The following CORIN variants were observed in gnomAD, a reference collection of about 807,000 sequenced individuals.
The protein encoded by CORIN is corin, serine peptidase.
CORIN carries 117 observed loss-of-function variants against 125.3 expected under a neutral mutation model. The ratio of observed to expected loss-of-function variants is 0.93; its 90% CI spans 0.80 to 1.09. The LOEUF (loss-of-function observed/expected upper bound fraction) is 1.09. CORIN is among the 50% of genes least tolerant of loss of function. The pLI, the probability that CORIN is intolerant of heterozygous loss-of-function variation, is 0.00. For missense variants in CORIN, 1,253 were observed against 1,306.7 expected, an observed-to-expected ratio of 0.96 and a Z score of 0.63; for synonymous variants, 450 against 466.4, an observed-to-expected ratio of 0.96 and a Z score of 0.45.
chr4:47,627,100 A>G (rs112635326), intron 16 of CORIN, among the ~76,000 whole-genome samples: 22,986 of 151,516 alleles, frequency 0.15, 2,334 homozygotes, highest in South Asian at 0.26. Context: ...CTCCTGCCTC[A>G]GCCTCCCAAG....
intron 16 of CORIN, among the ~76,000 whole-genome samples, chr4:47,631,273 G>A (rs1268447079): frequency 6.6e-6 from 1 of 152,112 alleles, no homozygotes; most frequent in Admixed American, 6.5e-5. Flanking sequence ...TTAGGAACCA[G>A]GCCACACAGC....
At chr4:47,800,227 G>A (rs979215037) in intron 2 of CORIN, among the ~76,000 whole-genome samples, 10 of 151,886 alleles carry the variant, frequency 6.6e-5, no homozygotes, top group African/African-American at 2.4e-4. Context: ...ACTTTAAATG[G>A]TTGGATTGAA....
At chr4:47,634,534 T>C (rs1722953761) in intron 16 of CORIN, among the ~76,000 whole-genome samples, 1 of 152,156 alleles carries the variant, frequency 6.6e-6, no homozygotes, top group African/African-American at 2.4e-5. Context: ...CTCAGGAGTC[T>C]GAGGCAGGAG....
At chr4:47,644,619 C>T (rs933942995) in intron 14 of CORIN, among the ~76,000 whole-genome samples, 11 of 152,150 alleles carry the variant, frequency 7.2e-5, no homozygotes, top group African/African-American at 2.2e-4. Flanking sequence ...AAGACTATAA[C>T]TGTAAACTTT....
intron 5 of CORIN, among the ~76,000 whole-genome samples, chr4:47,723,339 C>A (rs953507782): frequency 1.3e-5 from 2 of 152,142 alleles, no homozygotes; most frequent in Non-Finnish European, 2.9e-5. Flanking sequence ...TGTATAAAGT[C>A]CTGCCTGGGT....
chr4:47,620,034 A>G (rs1722243423), intron 19 of CORIN, among the ~76,000 whole-genome samples: 1 of 152,138 alleles, frequency 6.6e-6, no homozygotes, highest in African/African-American at 2.4e-5. Flanking sequence ...TTAATGCTTT[A>G]TTTCCCCCAA....
At chr4:47,643,687 C>CTGAA in intron 14 of CORIN, among the ~76,000 whole-genome samples, 1 of 152,248 alleles carries the variant, frequency 6.6e-6, no homozygotes, top group Middle Eastern at 3.4e-3. Flanking sequence ...AAATGACTCT[C>CTGAA]TGAGTCATAC....
chr4:47,599,999 G>C (rs935369039), intron 21 of CORIN, among the ~76,000 whole-genome samples: 1 of 152,212 alleles, frequency 6.6e-6, no homozygotes, highest in African/African-American at 2.4e-5. Flanking sequence ...TAGTAGATGA[G>C]ACAGTAGAAG....
intron 1 of CORIN, among the ~76,000 whole-genome samples, chr4:47,832,967 G>T (rs1733129663): frequency 6.6e-6 from 1 of 152,044 alleles, no homozygotes; most frequent in African/African-American, 2.4e-5. Flanking sequence ...ACCACAATTG[G>T]CTAAGAGCTA....
At chr4:47,623,096 C>CTCTCTATA (rs771867590) in intron 19 of CORIN, among the ~76,000 whole-genome samples, 2,267 of 101,940 alleles carry the variant, frequency 0.022, 27 homozygotes, top group Non-Finnish European at 0.028. Flanking sequence ...CTCTCTCTCT[C>CTCTCTATA]TATATATATA....
chr4:47,806,122 G>A (rs909603236), intron 2 of CORIN, among the ~76,000 whole-genome samples: 2 of 151,994 alleles, frequency 1.3e-5, no homozygotes, highest in African/African-American at 4.8e-5. Context: ...AATGTGGTAT[G>A]TAATATTTAG....
intron 5 of CORIN, among the ~76,000 whole-genome samples, chr4:47,711,250 T>C (rs116738606): frequency 0.027 from 4,098 of 152,306 alleles, 74 homozygotes; most frequent in Non-Finnish European, 0.036. Context: ...ATGACTATAA[T>C]GTGGCAGGGA....
In CORIN at chr4:47,727,720, G is replaced by C. The variant is rs1727664461; in HGVS notation, c.799+16682C>G. Reference sequence around the variant, plus strand: ...AAATTTGCTGAATGTTACAAGAGGAGCTTATAATTTTTTAATGTTTGGTGA... The same window carrying C: ...AAATTTGCTGAATGTTACAAGAGGACCTTATAATTTTTTAATGTTTGGTGA... On this transcript the variant is annotated intron_variant, in intron 5 of 21. Transcript: ENST00000273857. Among the ~76,000 whole-genome samples, 3 of 152,210 alleles carry C rather than the reference G, an allele frequency of 2.0e-5. No homozygotes were observed. In the South Asian group the frequency reaches 6.2e-4, roughly 32 times the overall value.
chr4:47,771,642 G>C (rs1730035438), intron 3 of CORIN, among the ~76,000 whole-genome samples: 1 of 151,988 alleles, frequency 6.6e-6, no homozygotes, highest in Non-Finnish European at 1.5e-5. Flanking sequence ...CCCTCTATGT[G>C]TCCATGTGTT....
intron 17 of CORIN, among the ~76,000 whole-genome samples, 187 bp from the exon 18 acceptor site, chr4:47,624,135 T>C (rs1722455584): frequency 6.6e-6 from 1 of 152,212 alleles, no homozygotes; most frequent in African/African-American, 2.4e-5. Context: ...GGCAGGAGTG[T>C]GGTCAGATAT....
chr4:47,686,321 T>C (rs1725515449), intron 6 of CORIN, among the ~76,000 whole-genome samples: 1 of 152,100 alleles, frequency 6.6e-6, no homozygotes, highest in Non-Finnish European at 1.5e-5. Context: ...TCCATACTTA[T>C]AAGCATACAG....
At chr4:47,800,763 G>A (rs550647280) in intron 2 of CORIN, among the ~76,000 whole-genome samples, 4 of 152,256 alleles carry the variant, frequency 2.6e-5, no homozygotes, top group South Asian at 2.1e-4. Context: ...TGGGGCACTC[G>A]TTCTGTCTTC....
At chr4:47,805,708 A>T (rs189662206) in intron 2 of CORIN, among the ~76,000 whole-genome samples, 34 of 152,068 alleles carry the variant, frequency 2.2e-4, no homozygotes, top group African/African-American at 7.7e-4. Flanking sequence ...TTTCAAATAA[A>T]TATCATAAAA....
At chr4:47,826,259 A>T (rs1732741983) in intron 1 of CORIN, among the ~76,000 whole-genome samples, 1 of 152,246 alleles carries the variant, frequency 6.6e-6, no homozygotes, top group Non-Finnish European at 1.5e-5. Context: ...CAGCCAGGGC[A>T]ACACCTTCAC....
Sources: allele counts gnomAD v4.1 joint callset (sites outside exome capture counted in the v4.1 genomes callset), GRCh38; gene constraint gnomAD v4.1.1; transcripts MANE v1.5; gene names NCBI Gene and HGNC (gene_info 2026-07-23, HGNC 2026-07-21).